FUT4: variants seen among roughly 807,000 people sequenced by gnomAD.
FUT4 encodes fucosyltransferase 4, also known as alpha-(1,3)-fucosyltransferase 4.
A neutral mutation model predicts 3.8 loss-of-function variants in FUT4; 1 was observed. That is an observed-to-expected ratio of 0.26 (90% CI 0.09 to 1.25). The LOEUF (loss-of-function observed/expected upper bound fraction) is 1.25. Ranked by LOEUF, FUT4 falls within the 50% of genes most tolerant of loss-of-function variation. The pLI, the probability that FUT4 is intolerant of heterozygous loss-of-function variation, is 0.47. For missense variants in FUT4, 880 were observed against 768.2 expected (o/e 1.15, Z -1.72); for synonymous variants, 417 against 355.3 (o/e 1.17, Z -1.95).
Position 94,545,870 on chromosome 11 carries a change from A to C in FUT4, c.*144A>C. ...CTCTATGGGAAAAAAACGATTTACC[A>C]ATTAATATTACTCAGCACAGAGATG... On this transcript the variant is annotated 3_prime_UTR_variant, in exon 1 of 1. Coordinates refer to ENST00000358752, the MANE Select transcript of FUT4 (RefSeq NM_002033.4). 9.8e-7 allele frequency: 1 copy of C among 1,020,706 alleles called. No homozygotes were observed. Among genetic ancestry groups the C allele is most frequent in the Non-Finnish European group, 1.5e-6 (1 of 663,344 alleles). The allele number at this position is 1,020,706 out of a possible 1,614,324, so 63.2% of individuals were successfully genotyped here. A position where few individuals can be genotyped will look rare whatever the true frequency, so the allele number is the denominator to read the frequency against.
chr11:94,544,823 A>G lies in FUT4; in HGVS notation c.690A>G (p.Gly230=). 6.2e-7 allele frequency: 1 copy of G among 1,602,300 alleles called. No homozygotes were observed. Among genetic ancestry groups the G allele is most frequent in the Non-Finnish European group, 8.5e-7 (1 of 1,179,166 alleles). The change falls in exon 1 of 1, where the codon GGA becomes GGG. Residue 230 remains glycine (G), a synonymous_variant. Coordinates refer to ENST00000358752, the MANE Select transcript of FUT4 (RefSeq NM_002033.4). ...TGCTCACCGACCGCGCGTCCTACGG[A>G]GAGGCTCAGGCCGTGCTTTTCCACC... ...CRLLTDRASY[G]EAQAVLFHHR...
At position 94,546,667 on chromosome 11, in the gene FUT4, G is replaced by T. The variant is rs1230075514; in HGVS notation, c.*941G>T. ...GTCTGTGTTTACAGACAGAAGAGAA[G>T]GAAGCCATAGTGTCACTTCCACACA... On this transcript the variant is annotated 3_prime_UTR_variant, in exon 1 of 1. Transcript: ENST00000358752. 1 of 166,474 alleles carries T rather than the reference G, an allele frequency of 6.0e-6. No individual in the cohort carries two copies. The highest frequency in any genetic ancestry group is 1.5e-5 in the Non-Finnish European group (1 of 68,118). The allele number at this position is 166,474 out of a possible 1,614,324, so 10.3% of individuals were successfully genotyped here.
chr11:94,545,919 G>T lies in FUT4; in HGVS notation c.*193G>T. On this transcript the variant is annotated 3_prime_UTR_variant, in exon 1 of 1. Coordinates refer to ENST00000358752, the MANE Select transcript of FUT4 (RefSeq NM_002033.4). ...TGGGGGCCCGGTTTCCATATTTTTT[G>T]CACAGCTAGCAATTGGGCTCCCTTT... 1.3e-6 allele frequency: 1 copy of T among 763,090 alleles called. No homozygotes were observed. The highest frequency in any genetic ancestry group is 1.5e-5 in the South Asian group (1 of 67,700). 47.3% of individuals were successfully genotyped at this position (763,090 alleles called of 1,614,324 possible). A position where few individuals can be genotyped will look rare whatever the true frequency, so the allele number is the denominator to read the frequency against.
rs868582144 is a variant in FUT4, at chr11:94,544,873, C to T, written c.740C>T (p.Pro247Leu). Residue 247 changes from proline (P) to leucine (L), a missense_variant, in exon 1 of 1, where the codon CCC (proline) becomes CTC (leucine). Around this residue, in one of 3 missense-constraint regions of FUT4, gnomAD observed 424 missense variants for 400.4 expected, o/e 1.06. Transcript: ENST00000358752. ...FHHRDLVKGP[P>L]DWPPPWGIQA... ...CACCGCGACCTCGTGAAGGGGCCCC[C>T]CGACTGGCCCCCGCCCTGGGGCATC... The T allele has an allele frequency of 8.1e-6, 13 of 1,608,988 alleles. No individual in the cohort carries two copies. Among genetic ancestry groups the T allele is most frequent in the Non-Finnish European group, 1.0e-5 (12 of 1,179,432 alleles).
Position 94,547,603 on chromosome 11 carries a change from A to G in FUT4, c.*1877A>G, listed in dbSNP as rs767073150. ...AAGCTGTGGAGAAAATGTCCTCATT[A>G]AAGTATTAAAGTGTGGGCAGAATTA... On this transcript the variant is annotated 3_prime_UTR_variant, in exon 1 of 1. Transcript: ENST00000358752. The G allele has an allele frequency of 2.4e-5, 4 of 167,022 alleles. No homozygotes were observed. The highest frequency in any genetic ancestry group is 5.9e-5 in the Non-Finnish European group (4 of 68,130). 10.3% of individuals were successfully genotyped at this position (167,022 alleles called of 1,614,324 possible). A position where few individuals can be genotyped will look rare whatever the true frequency, so the allele number is the denominator to read the frequency against.
Position 94,545,370 on chromosome 11 carries a change from T to G in FUT4, c.1237T>G (p.Phe413Val). The change falls in exon 1 of 1, where the codon TTC becomes GTC. Residue 413 changes from phenylalanine to valine, a missense_variant. Phe to Val is a conservative substitution (Grantham distance 50). This residue lies in a region of FUT4 where 424 missense variants were observed against 400.4 expected (regional missense o/e 1.06). Transcript: ENST00000358752. Reference protein sequence around the residue: ...TVARYKFYLAFENSQHLDYIT... With the variant: ...TVARYKFYLAVENSQHLDYIT... ...GGCCCGCTACAAGTTCTACCTGGCTTTCGAGAACTCGCAGCACCTGGATTA... is the reference window on the plus strand; with the variant it reads ...GGCCCGCTACAAGTTCTACCTGGCTGTCGAGAACTCGCAGCACCTGGATTA... The G allele has an allele frequency of 6.2e-7, 1 of 1,612,978 alleles. No individual in the cohort carries two copies. The highest frequency in any genetic ancestry group is 1.1e-5 in the South Asian group (1 of 91,030).
rs747106646 is a variant in FUT4, at chr11:94,549,499, A to T, written c.*3773A>T. 1.2e-5 allele frequency: 2 copies of T among 167,082 alleles called. No individual in the cohort carries two copies. Among genetic ancestry groups the T allele is most frequent in the African/African-American group, 2.4e-5 (1 of 41,452 alleles). 10.3% of individuals were successfully genotyped at this position (167,082 alleles called of 1,614,324 possible). A position where few individuals can be genotyped will look rare whatever the true frequency, so the allele number is the denominator to read the frequency against. On this transcript the variant is annotated 3_prime_UTR_variant, in exon 1 of 1. Transcript: ENST00000358752. The stretch of plus-strand genomic sequence containing the variant: ...TTGGGACCTCCTAGTTCCACGTGCT[A>T]TCATTCTACTAACTGGCACCCTAAG...
Position 94,543,936 on chromosome 11 carries a change from G to T in FUT4, c.-198G>T, listed in dbSNP as rs964982404. 2.8e-5 allele frequency: 21 copies of T among 738,542 alleles called. No homozygotes were observed. The highest frequency in any genetic ancestry group is 3.6e-5 in the Non-Finnish European group (19 of 532,454). 45.7% of individuals were successfully genotyped at this position (738,542 alleles called of 1,614,324 possible). On this transcript the variant is annotated 5_prime_UTR_variant, in exon 1 of 1. Coordinates refer to ENST00000358752, the MANE Select transcript of FUT4 (RefSeq NM_002033.4). Reference sequence around the variant, plus strand: ...GCTATCCTCCGTTCCGCGGCGCCGGGTCCGCCTTCCGTCTGTTCTAGGGCC... The same window carrying T: ...GCTATCCTCCGTTCCGCGGCGCCGGTTCCGCCTTCCGTCTGTTCTAGGGCC...
Position 94,546,132 on chromosome 11 carries a change from A to G in FUT4, c.*406A>G, listed in dbSNP as rs1240585838. ...TCTCATACACAACTGTTCCCGATTC[A>G]CGTTTTTCTGGACCAAGGTGAAGCA... On this transcript the variant is annotated 3_prime_UTR_variant, in exon 1 of 1. Coordinates refer to ENST00000358752, the MANE Select transcript of FUT4 (RefSeq NM_002033.4). 1 of 349,746 alleles carries G rather than the reference A, an allele frequency of 2.9e-6. No individual in the cohort carries two copies. Among genetic ancestry groups the G allele is most frequent in the Non-Finnish European group, 5.9e-6 (1 of 169,944 alleles). The allele number at this position is 349,746 out of a possible 1,614,324, so 21.7% of individuals were successfully genotyped here. A position where few individuals can be genotyped will look rare whatever the true frequency, so the allele number is the denominator to read the frequency against.
chr11:94,543,924 C>A lies in FUT4; in HGVS notation c.-210C>A. 1.5e-6 allele frequency: 1 copy of A among 651,372 alleles called. No individual in the cohort carries two copies. The highest frequency in any genetic ancestry group is 2.2e-6 in the Non-Finnish European group (1 of 455,304). 40.3% of individuals were successfully genotyped at this position (651,372 alleles called of 1,614,324 possible). On this transcript the variant is annotated 5_prime_UTR_variant, in exon 1 of 1. Coordinates refer to ENST00000358752, the MANE Select transcript of FUT4 (RefSeq NM_002033.4). Reference sequence around the variant, plus strand: ...CAGGAAGCCGACGCTATCCTCCGTTCCGCGGCGCCGGGTCCGCCTTCCGTC... The same window carrying A: ...CAGGAAGCCGACGCTATCCTCCGTTACGCGGCGCCGGGTCCGCCTTCCGTC...
Position 94,545,566 on chromosome 11 carries a change from AC to A in FUT4, c.1437del (p.Ala480ArgfsTer77). The A allele has an allele frequency of 6.2e-7, 1 of 1,613,266 alleles. No individual in the cohort carries two copies. The highest frequency in any genetic ancestry group is 8.5e-7 in the Non-Finnish European group (1 of 1,179,950). ...LASYLLFLDR[N>X]PAVYRRYFHW... ...TCGTACCTGCTTTTCCTCGACCGCA[AC>A]CCCGCGGTCTATCGCCGCTACTTCC... On this transcript the variant is annotated frameshift_variant, in exon 1 of 1. Transcript: ENST00000358752. LOFTEE classifies it high-confidence loss of function.
rs753122175 is a variant in FUT4, at chr11:94,544,986, C to G, written c.853C>G (p.Pro285Ala). 15 of 1,607,292 alleles carry G rather than the reference C, an allele frequency of 9.3e-6. No homozygotes were observed. Among genetic ancestry groups the G allele is most frequent in the Non-Finnish European group, 1.3e-5 (15 of 1,176,912 alleles). ...GGCAGAAGCCCTGGCGACCTCCAGC[C>G]CCAGGCCCCCGGGCCAGCGCTGGGT... ...AAAEALATSS[P>A]RPPGQRWVWM... is the part of the protein sequence containing the mutation. Residue 285 changes from proline to alanine, a missense_variant, in exon 1 of 1, where the codon CCC becomes GCC. By Grantham distance (27) the Pro-to-Ala change is conservative (BLOSUM62 -1). Coordinates refer to ENST00000358752, the MANE Select transcript of FUT4 (RefSeq NM_002033.4).
rs1947892795 is a variant in FUT4 at position 94,548,665 on chromosome 11, G to C, written c.*2939G>C. On this transcript the variant is annotated 3_prime_UTR_variant, in exon 1 of 1. Coordinates refer to ENST00000358752, the MANE Select transcript of FUT4 (RefSeq NM_002033.4). ...GCATATATTAAATTGAGTAGGTTCA[G>C]CTCTAACATACCTTAAGAAAAATGC... is the stretch of plus-strand genomic sequence containing the variant. The C allele has an allele frequency of 6.0e-6, 1 of 167,052 alleles. No homozygotes were observed. Among genetic ancestry groups the C allele is most frequent in the African/African-American group, 2.4e-5 (1 of 41,436 alleles). The allele number at this position is 167,052 out of a possible 1,614,324, so 10.3% of individuals were successfully genotyped here. A position where few individuals can be genotyped will look rare whatever the true frequency, so the allele number is the denominator to read the frequency against.
Position 94,544,369 on chromosome 11 carries a change from C to A in FUT4, c.236C>A (p.Ser79Tyr). The A allele has an allele frequency of 6.5e-7, 1 of 1,545,052 alleles. No homozygotes were observed. Among genetic ancestry groups the A allele is most frequent in the Non-Finnish European group, 8.7e-7 (1 of 1,153,410 alleles). The stretch of plus-strand genomic sequence containing the variant: ...GGGCAGGGCCCGCGGCCTTTGCATT[C>A]TGGGACCGCCCCCTTCCATTCCCGG... ...GAGQGPRPLH[S>Y]GTAPFHSRAS... is the part of the protein sequence containing the mutation. Residue 79 changes from serine to tyrosine, a missense_variant, in exon 1 of 1, where the codon TCT becomes TAT. This residue lies in a region of FUT4 where 447 missense variants were observed against 339.5 expected (regional missense o/e 1.32). Transcript: ENST00000358752.
In FUT4 at chr11:94,545,673, G is replaced by A. The variant is rs371160166; in HGVS notation, c.1540G>A (p.Ala514Thr). The A allele has an allele frequency of 1.2e-5, 20 of 1,612,142 alleles. No individual in the cohort carries two copies. Among genetic ancestry groups the A allele is most frequent in the Admixed American group, 1.7e-5 (1 of 60,004 alleles). ...WCRVCQAVQR[A>T]GDRPKSIRNL... ...CCGGGTGTGCCAGGCTGTACAGAGG[G>A]CTGGGGACCGGCCCAAGAGCATACG... Residue 514 changes from alanine to threonine, a missense_variant, in exon 1 of 1, where the codon GCT (alanine) becomes ACT (threonine). Physicochemically the swap from Ala to Thr is moderately conservative, Grantham distance 58 (BLOSUM62 0). Around this residue, in one of 3 missense-constraint regions of FUT4, gnomAD observed 424 missense variants for 400.4 expected, o/e 1.06. Transcript: ENST00000358752.
rs756627526 is a variant in FUT4 at position 94,544,774 on chromosome 11, G to C, written c.641G>C (p.Arg214Pro). Residue 214 changes from arginine (R) to proline (P), a missense_variant, in exon 1 of 1, where the codon CGC becomes CCC. Arg to Pro is a moderately radical substitution (Grantham distance 103). Transcript: ENST00000358752. ...APRPPPDCRL[R>P]FNISGCRLLT... ...AGGCCGCCCCCTGACTGCCGGCTGC[G>C]CTTCAACATCAGCGGCTGCCGCCTG... is the stretch of plus-strand genomic sequence containing the variant. 16 of 1,584,564 alleles carry C rather than the reference G, an allele frequency of 1.0e-5. No individual in the cohort carries two copies. Among genetic ancestry groups the C allele is most frequent in the Non-Finnish European group, 1.3e-5 (15 of 1,172,918 alleles).
Position 94,544,750 on chromosome 11 carries a change from G to C in FUT4, c.617G>C (p.Arg206Thr). The change falls in exon 1 of 1, where the codon AGG (arginine) becomes ACG (threonine). Residue 206 changes from arginine (R) to threonine (T), a missense_variant. By Grantham distance (71) the Arg-to-Thr change is moderately conservative. This residue lies in a region of FUT4 where 447 missense variants were observed against 339.5 expected (regional missense o/e 1.32). Coordinates refer to ENST00000358752, the MANE Select transcript of FUT4 (RefSeq NM_002033.4). The part of the protein sequence containing the change: ...EPFGGRDSAP[R>T]PPPDCRLRFN... The stretch of plus-strand genomic sequence containing the variant: ...TTCGGGGGGCGCGATAGCGCCCCGA[G>C]GCCGCCCCCTGACTGCCGGCTGCGC... 1 of 1,566,394 alleles carries C rather than the reference G, an allele frequency of 6.4e-7. No homozygotes were observed. The highest frequency in any genetic ancestry group is 8.6e-7 in the Non-Finnish European group (1 of 1,164,712).
At position 94,545,855 on chromosome 11, in the gene FUT4, A is replaced by G. The variant is rs1475419218; in HGVS notation, c.*129A>G. 7.8e-6 allele frequency: 9 copies of G among 1,159,930 alleles called. No individual in the cohort carries two copies. The highest frequency in any genetic ancestry group is 7.7e-5 in the East Asian group (3 of 39,188). The allele number at this position is 1,159,930 out of a possible 1,614,324, so 71.9% of individuals were successfully genotyped here. A position where few individuals can be genotyped will look rare whatever the true frequency, so the allele number is the denominator to read the frequency against. On this transcript the variant is annotated 3_prime_UTR_variant, in exon 1 of 1. Transcript: ENST00000358752. ...AAACACCCATTTTTGCTCTATGGGA[A>G]AAAAACGATTTACCAATTAATATTA...
rs1947865441 is a variant in FUT4 at position 94,546,717 on chromosome 11, G to C, written c.*991G>C. ...AATTATTTATTTCATGTCTTTACTG[G>C]ACCTGAAATTTAAACTGCAATGCCA... On this transcript the variant is annotated 3_prime_UTR_variant, in exon 1 of 1. Coordinates refer to ENST00000358752, the MANE Select transcript of FUT4 (RefSeq NM_002033.4). 6.0e-6 allele frequency: 1 copy of C among 166,856 alleles called. No individual in the cohort carries two copies. The allele number at this position is 166,856 out of a possible 1,614,324, so 10.3% of individuals were successfully genotyped here.
Sources: allele counts gnomAD v4.1 joint callset, GRCh38; gene constraint gnomAD v4.1.1; regional missense constraint gnomAD v4.1.1; transcripts MANE v1.5; gene names NCBI Gene and HGNC (gene_info 2026-07-23, HGNC 2026-07-21).